The following BLTP3B variants were observed in gnomAD, a reference collection of about 807,000 sequenced individuals.
BLTP3B encodes the protein bridge-like lipid transfer protein family member 3B.
the BLTP3B span, chr12:100,108,239 A>G: frequency 1.2e-6 from 1 of 859,354 alleles, no homozygotes; most frequent in East Asian, 2.8e-5. Context: ...CATTTATGCA[A>G]AGGTATCTTT....
the BLTP3B span, chr12:100,048,189 A>C: frequency 9.5e-6 from 15 of 1,582,944 alleles, no homozygotes; most frequent in Non-Finnish European, 1.2e-5. Context: ...CAGCTTTCTG[A>C]TCGGAACCTA....
At chr12:100,109,159 CCTCT>C in the BLTP3B span, among the ~76,000 whole-genome samples, 7,679 of 64,644 alleles carry the variant, frequency 0.12, 536 homozygotes, top group East Asian at 0.2. Context: ...TGGCAGTTTT[CCTCT>C]CTCTCTCTCT....
At chr12:100,122,266 T>C in the BLTP3B span, among the ~76,000 whole-genome samples, 1 of 152,292 alleles carries the variant, frequency 6.6e-6, no homozygotes, top group Non-Finnish European at 1.5e-5. Context: ...AGTGGAGCCA[T>C]AGGCAGTCCT....
chr12:100,107,205 A>G, the BLTP3B span, among the ~76,000 whole-genome samples: 7 of 146,750 alleles, frequency 4.8e-5, no homozygotes, highest in Non-Finnish European at 1.0e-4. Context: ...GGAGAATTGC[A>G]TGAACCTGGG....
chr12:100,058,183 A>G, the BLTP3B span: 1 of 1,613,240 alleles, frequency 6.2e-7, no homozygotes, highest in East Asian at 2.2e-5. Context: ...AAAGTACTTG[A>G]AAGTATGTTT....
the BLTP3B span, among the ~76,000 whole-genome samples, chr12:100,087,639 G>C: frequency 6.6e-6 from 1 of 152,196 alleles, no homozygotes; most frequent in African/African-American, 2.4e-5. Flanking sequence ...CATAAGTCAG[G>C]TTTTGCCACC....
At chr12:100,037,233 G>C in the BLTP3B span, 1 of 966,080 alleles carries the variant, frequency 1.0e-6, no homozygotes, top group Middle Eastern at 5.3e-4. Flanking sequence ...GTAAATAATA[G>C]TAAATTATTA....
chr12:100,103,917 C>A, the BLTP3B span: 1 of 1,600,596 alleles, frequency 6.2e-7, no homozygotes, highest in Non-Finnish European at 8.5e-7. Context: ...ACTCACCAAA[C>A]AGATGGGATG....
chr12:100,131,783 T>G, the BLTP3B span, among the ~76,000 whole-genome samples: 12 of 152,130 alleles, frequency 7.9e-5, no homozygotes, highest in Non-Finnish European at 1.5e-4. Context: ...CTCCAGCCAC[T>G]AATACCCACT....
At chr12:100,047,529 CCT>C in the BLTP3B span, 1 of 1,589,760 alleles carries the variant, frequency 6.3e-7, no homozygotes, top group Non-Finnish European at 8.6e-7. Flanking sequence ...TTCATATATA[CCT>C]CTGATATGAA....
chr12:100,047,406 G>A, the BLTP3B span: 1 of 637,354 alleles, frequency 1.6e-6, no homozygotes, highest in East Asian at 3.0e-5. Flanking sequence ...GTTTAGGTAG[G>A]AGAATCACTC....
At chr12:100,103,599 A>G in the BLTP3B span, among the ~76,000 whole-genome samples, 1 of 152,188 alleles carries the variant, frequency 6.6e-6, no homozygotes. Flanking sequence ...AGGAGAAACA[A>G]AGACAGTCTG....
chr12:100,058,157 A>G, the BLTP3B span: 1 of 1,613,380 alleles, frequency 6.2e-7, no homozygotes, highest in Non-Finnish European at 8.5e-7. Flanking sequence ...CTATGGTTTC[A>G]TTTCCTTTAC....
chr12:100,121,953 T>C, the BLTP3B span, among the ~76,000 whole-genome samples: 18 of 151,738 alleles, frequency 1.2e-4, no homozygotes, highest in East Asian at 1.4e-3. Context: ...CACACACATA[T>C]ATGTGTATAT....
At chr12:100,140,729 A>AAAAAAATATATATAT in the BLTP3B span, among the ~76,000 whole-genome samples, 6 of 61,504 alleles carry the variant, frequency 9.8e-5, no homozygotes, top group African/African-American at 2.0e-4. Context: ...AAAAAAAAAA[A>AAAAAAATATATATAT]ATATATATAT....
the BLTP3B span, among the ~76,000 whole-genome samples, chr12:100,127,149 G>A: frequency 2.0e-5 from 3 of 151,952 alleles, no homozygotes; most frequent in Admixed American, 6.6e-5. Context: ...ACGAGCAAGC[G>A]TCTCAGAGGA....
At chr12:100,091,029 C>T in the BLTP3B span, among the ~76,000 whole-genome samples, 2 of 139,820 alleles carry the variant, frequency 1.4e-5, no homozygotes, top group African/African-American at 5.2e-5. Flanking sequence ...ATGAATAATC[C>T]TTTTTTTTTT....
chr12:100,118,603 T>C, the BLTP3B span, among the ~76,000 whole-genome samples: 1 of 152,172 alleles, frequency 6.6e-6, no homozygotes, highest in Non-Finnish European at 1.5e-5. Context: ...TTATCAACAT[T>C]AGTTAATTGT....
chr12:100,099,120 G>A, the BLTP3B span, among the ~76,000 whole-genome samples: 136 of 151,578 alleles, frequency 9.0e-4, no homozygotes, highest in African/African-American at 3.2e-3. Context: ...AGCCTCCGGA[G>A]TGGCTGGGAT....
Sources: allele counts gnomAD v4.1 joint callset (sites outside exome capture counted in the v4.1 genomes callset), GRCh38; gene constraint gnomAD v4.1.1; transcripts MANE v1.5; gene names NCBI Gene and HGNC (gene_info 2026-07-23, HGNC 2026-07-21).